The following SLC7A5 variants were observed in gnomAD, a reference collection of about 807,000 sequenced individuals.
The protein encoded by SLC7A5 is large neutral amino acids transporter small subunit 1.
In SLC7A5, 23 loss-of-function variants were observed where a neutral mutation model predicts 50.2. The ratio of observed to expected loss-of-function variants is 0.46; its 90% CI spans 0.33 to 0.65. The LOEUF (loss-of-function observed/expected upper bound fraction) is 0.65. Among genes scored for constraint, SLC7A5 ranks in the 30% least tolerant of loss-of-function variants. SLC7A5 has a pLI of 0.02. For missense variants in SLC7A5, 578 were observed against 684.4 expected (o/e 0.84, Z 1.73); for synonymous variants, 393 against 330.6 (o/e 1.19, Z -2.05).
Position 87,869,288 on chromosome 16 carries a change from G to T in SLC7A5, c.135C>A (p.Thr45=), listed in dbSNP as rs757717751. ...SAPAGEGEGV[T]LQRNITLLNG... is the part of the protein sequence containing the mutation. ...TGAGCAGCGTGATGTTCCGCTGCAG[G>T]GTCACGCCCTCGCCCTCGCCTGCCG... The change falls in exon 1 of 10, where the codon ACC becomes ACA. Residue 45 remains threonine (T), a synonymous_variant. Transcript: ENST00000261622. 3.7e-6 allele frequency: 6 copies of T among 1,611,854 alleles called. No individual in the cohort carries two copies. In the Admixed American group the frequency reaches 8.3e-5, roughly 22 times the overall value.
At position 87,836,414 on chromosome 16, in the gene SLC7A5, C is replaced by G; in HGVS notation, c.1290+84G>C. On this transcript the variant is annotated intron_variant, in intron 8 of 9. Coordinates refer to ENST00000261622, the MANE Select transcript of SLC7A5 (RefSeq NM_003486.7). ...CAGGTCCAGAGGCTGAGCTGGGATGCTGGCTCCCAACTCAGGGTCCTTAGG... is the reference window on the plus strand; with the variant it reads ...CAGGTCCAGAGGCTGAGCTGGGATGGTGGCTCCCAACTCAGGGTCCTTAGG... The G allele has an allele frequency of 2.0e-6, 3 of 1,513,468 alleles. No individual in the cohort carries two copies. The South Asian group carries it at 3.4e-5, about 17-fold the overall frequency. 93.8% of individuals were successfully genotyped at this position (1,513,468 alleles called of 1,614,324 possible). A position where few individuals can be genotyped will look rare whatever the true frequency, so the allele number is the denominator to read the frequency against.
intron 2 of SLC7A5, among the ~76,000 whole-genome samples, chr16:87,842,410 G>C (rs2055092971): frequency 6.6e-6 from 1 of 152,210 alleles, no homozygotes; most frequent in African/African-American, 2.4e-5. Context: ...GACGAGGTGA[G>C]CAAATTTCAA....
At position 87,836,889 on chromosome 16, in the gene SLC7A5, G is replaced by C. The variant is rs1476934328; in HGVS notation, c.1141-242C>G. On this transcript the variant is annotated intron_variant, in intron 7 of 9. Transcript: ENST00000261622. ...GGAAGGAGGGAGGAGAGGAGGGAAG[G>C]AGGGAGGAGAGGAGGAAATGGAGAC... is the stretch of plus-strand genomic sequence containing the variant. 5 of 516,738 alleles carry C rather than the reference G, an allele frequency of 9.7e-6. No homozygotes were observed. The African/African-American group carries it at 9.7e-5, about 10-fold the overall frequency. The allele number at this position is 516,738 out of a possible 1,614,324, so 32.0% of individuals were successfully genotyped here.
At chr16:87,854,076 C>T (rs1411494983) in intron 1 of SLC7A5, 1 of 135,650 alleles carries the variant, frequency 7.4e-6, no homozygotes, top group Non-Finnish European at 1.6e-5. Flanking sequence ...CCCCCCGCCC[C>T]CCCCCCCACC....
At position 87,869,080 on chromosome 16, in the gene SLC7A5, C is replaced by T. The variant is rs2055499060; in HGVS notation, c.343G>A (p.Gly115Ser). 6.2e-7 allele frequency: 1 copy of T among 1,611,864 alleles called. No homozygotes were observed. Among genetic ancestry groups the T allele is most frequent in the African/African-American group, 1.3e-5 (1 of 75,000 alleles). Residue 115 changes from glycine (G) to serine (S), a missense_variant, in exon 1 of 10, where the codon GGC becomes AGC. By Grantham distance (56) the Gly-to-Ser change is moderately conservative (BLOSUM62 0). Around this residue, in one of 2 missense-constraint regions of SLC7A5, gnomAD observed 465 missense variants for 594.6 expected, o/e 0.78. Transcript: ENST00000261622. ...ELGTTISKSG[G>S]DYAYMLEVYG... is the part of the protein sequence containing the mutation. ...ACCTCCAGCATGTAGGCGTAGTCGC[C>T]GCCCGATTTGGAGATGGTGGTGCCG... is the stretch of plus-strand genomic sequence containing the variant.
In SLC7A5 at chr16:87,838,742, C is replaced by T. The variant is rs749906196; in HGVS notation, c.1015G>A (p.Val339Ile). The T allele has an allele frequency of 2.5e-6, 4 of 1,613,884 alleles. No homozygotes were observed. The highest frequency in any genetic ancestry group is 3.4e-6 in the Non-Finnish European group (4 of 1,179,990). The change falls in exon 6 of 10, where the codon GTC becomes ATC. Residue 339 changes from valine (V) to isoleucine (I), a missense_variant. By Grantham distance (29) the Val-to-Ile change is conservative (BLOSUM62 3). Coordinates refer to ENST00000261622, the MANE Select transcript of SLC7A5 (RefSeq NM_003486.7). The stretch of plus-strand genomic sequence containing the variant: ...GAGGATGTGAACAGGGACCCATTGA[C>T]GGAGCCGAAGCAGGACAGGCCCACG... ...VFVGLSCFGS[V>I]NGSLFTSSRL... is the part of the protein sequence containing the mutation.
At chr16:87,868,505 A>C (rs1464876561) in intron 1 of SLC7A5, among the ~76,000 whole-genome samples, 1 of 152,146 alleles carries the variant, frequency 6.6e-6, no homozygotes, top group Non-Finnish European at 1.5e-5. Flanking sequence ...CAGCAATCGG[A>C]GCTCTAACAG....
At chr16:87,837,973 A>G (rs898792492) in intron 6 of SLC7A5, 32 bp from the exon 7 acceptor site, 2 of 1,522,030 alleles carry the variant, frequency 1.3e-6, no homozygotes, top group Non-Finnish European at 1.8e-6. Context: ...AGAGTCAGCC[A>G]CCGCCCCACA....
chr16:87,837,223 G>A (rs999060949), intron 7 of SLC7A5, among the ~76,000 whole-genome samples: 1 of 152,200 alleles, frequency 6.6e-6, no homozygotes, highest in Non-Finnish European at 1.5e-5. Flanking sequence ...GGCTTTGGGG[G>A]AAGCAGCCTG....
chr16:87,852,390 G>A lies in SLC7A5; in HGVS notation c.539-541C>T, dbSNP rs2055241114. On this transcript the variant is annotated intron_variant, in intron 1 of 9. Transcript: ENST00000261622. The surrounding 1 kb of genome is among the most constrained non-coding windows in gnomAD (Gnocchi z 4.5). ...CGGAACTACCTGGCCAGTCACCTGG[G>A]GACGGCAGCCTGGGAGGGGCCACAG... 6.6e-6 allele frequency among the ~76,000 whole-genome samples: 1 copy of A among 152,192 alleles called. No homozygotes were observed. The highest frequency in any genetic ancestry group is 2.1e-4 in the South Asian group (1 of 4,834).
chr16:87,863,927 G>C (rs539350704), intron 1 of SLC7A5, among the ~76,000 whole-genome samples: 2 of 145,424 alleles, frequency 1.4e-5, no homozygotes, highest in Non-Finnish European at 3.0e-5. Flanking sequence ...GGTAAAAGGT[G>C]CCCTTTCCCT....
At position 87,864,863 on chromosome 16, in the gene SLC7A5, G is replaced by C. The variant is rs565359221; in HGVS notation, c.538+4022C>G. Among the ~76,000 whole-genome samples the C allele has an allele frequency of 3.5e-4, 54 of 152,328 alleles. 1 individual carries two copies. The highest frequency in any genetic ancestry group is 1.2e-3 in the African/African-American group (51 of 41,584). On this transcript the variant is annotated intron_variant, in intron 1 of 9. Coordinates refer to ENST00000261622, the MANE Select transcript of SLC7A5 (RefSeq NM_003486.7). ...TAAACACCCACGGTCTTAAGATTAT[G>C]CGAGTAAACAAGCTAGCTAGGTAAA... is the stretch of plus-strand genomic sequence containing the variant.
Position 87,833,021 on chromosome 16 carries a change from G to A in SLC7A5, c.1473C>T (p.Ser491=). The change falls in exon 10 of 10, where the codon TCC becomes TCT. Residue 491 remains serine, a synonymous_variant. Coordinates refer to ENST00000261622, the MANE Select transcript of SLC7A5 (RefSeq NM_003486.7). This position sits in a 1 kb window ranked among gnomAD's most constrained non-coding sequence, Gnocchi z 6.0. The part of the protein sequence containing the change: ...KPKWLLQGIF[S]TTVLCQKLMQ... ...TGAGCTTCTGACACAGGACGGTCGT[G>A]GAGACTGTCAGGAGAGAAGACAGCT... 6.2e-7 allele frequency: 1 copy of A among 1,613,766 alleles called. No individual in the cohort carries two copies. Among genetic ancestry groups the A allele is most frequent in the Non-Finnish European group, 8.5e-7 (1 of 1,179,788 alleles).
In SLC7A5 at chr16:87,860,341, T is replaced by TACACACACAC. The variant is rs370835904; in HGVS notation, c.539-8502_539-8493dup. 2.2e-4 allele frequency among the ~76,000 whole-genome samples: 19 copies of TACACACACAC among 86,182 alleles called. 1 individual carries two copies. The highest frequency in any genetic ancestry group is 1.1e-3 in the East Asian group (3 of 2,816). 56.5% of individuals were successfully genotyped at this position (86,182 alleles called of 152,430 possible). ...AAAGCATCTCAAAAAAAAAAAAAAA[T>TACACACACAC]ACACACACACACACACACACACACA... On this transcript the variant is annotated intron_variant, in intron 1 of 9. Coordinates refer to ENST00000261622, the MANE Select transcript of SLC7A5 (RefSeq NM_003486.7). The surrounding 1 kb of genome is among the most constrained non-coding windows in gnomAD (Gnocchi z 4.8).
chr16:87,855,137 G>A (rs569513757), intron 1 of SLC7A5, among the ~76,000 whole-genome samples: 287 of 152,280 alleles, frequency 1.9e-3, no homozygotes, highest in African/African-American at 6.4e-3. Context: ...TTGGGGACGC[G>A]GCCAGCCCAT....
At chr16:87,844,984 G>A (rs563127962) in intron 2 of SLC7A5, among the ~76,000 whole-genome samples, 27 of 152,380 alleles carry the variant, frequency 1.8e-4, no homozygotes, top group Admixed American at 1.2e-3. Flanking sequence ...AGTGTCCTCA[G>A]CGACACAGAG....
At chr16:87,843,262 T>C (rs1185538138) in intron 2 of SLC7A5, among the ~76,000 whole-genome samples, 2 of 151,458 alleles carry the variant, frequency 1.3e-5, no homozygotes, top group Admixed American at 6.6e-5. Context: ...GTGGCTGCTT[T>C]TGCTAAGGAC....
Position 87,832,996 on chromosome 16 carries a change from T to C in SLC7A5, c.1498A>G (p.Met500Val), listed in dbSNP as rs1243300845. 3 of 1,612,680 alleles carry C rather than the reference T, an allele frequency of 1.9e-6. No individual in the cohort carries two copies. The highest frequency in any genetic ancestry group is 2.2e-5 in the East Asian group (1 of 44,862). ...TATGTCTCCTGGGGGACCACCTGCA[T>C]GAGCTTCTGACACAGGACGGTCGTG... ...FSTTVLCQKL[M>V]QVVPQET is the part of the protein sequence containing the mutation. The change falls in exon 10 of 10, where the codon ATG (methionine) becomes GTG (valine). Residue 500 changes from methionine to valine, a missense_variant. This residue lies in a region of SLC7A5 where 465 missense variants were observed against 594.6 expected (regional missense o/e 0.78). Transcript: ENST00000261622. This position sits in a 1 kb window ranked among gnomAD's most constrained non-coding sequence, Gnocchi z 4.6.
intron 1 of SLC7A5, among the ~76,000 whole-genome samples, chr16:87,863,918 G>GT (rs943392418): frequency 2.9e-4 from 43 of 146,924 alleles, no homozygotes; most frequent in African/African-American, 1.1e-3. Flanking sequence ...GAATAAGGGG[G>GT]TAAAAGGTGC....
Sources: gnomAD v4.1 joint callset for allele counts (sites outside exome capture counted in the v4.1 genomes callset) on GRCh38, gnomAD v4.1.1 for gene constraint, gnomAD v4.1.1 regional missense constraint, Gnocchi (gnomAD v3.1) non-coding constraint, MANE v1.5 for transcripts, NCBI Gene and HGNC (gene_info 2026-07-23, HGNC 2026-07-21) for gene names.